The following AHNAK variants were observed in gnomAD, a reference collection of about 807,000 sequenced individuals.
AHNAK encodes AHNAK nucleoprotein, also known as neuroblast differentiation-associated protein AHNAK.
A neutral mutation model predicts 37.8 loss-of-function variants in AHNAK; 23 were observed. The observed-to-expected ratio is 0.61, with a 90% CI of 0.44 to 0.86. The LOEUF is 0.86. AHNAK is among the 40% of genes least tolerant of loss of function. The pLI, the probability that AHNAK is intolerant of heterozygous loss-of-function variation, is 0.00. For missense variants in AHNAK, 7,411 were observed against 7,319.4 expected (o/e 1.01, Z -0.46); for synonymous variants, 2,481 against 2,636.3 (o/e 0.94, Z 1.80).
Position 62,528,163 on chromosome 11 carries a change from T to C in AHNAK, c.6254A>G (p.Asp2085Gly), listed in dbSNP as rs370435916. ...AAGGCTCACATCTGGGACTTCAACATCCACCTTGGGTCCTGAGACAACAAC... is the reference window on the plus strand; with the variant it reads ...AAGGCTCACATCTGGGACTTCAACACCCACCTTGGGTCCTGAGACAACAAC... ...ADVVVSGPKVDVEVPDVSLEG... is the reference protein window; with the variant it reads ...ADVVVSGPKVGVEVPDVSLEG... The change falls in exon 5 of 5, where the codon GAT (aspartate) becomes GGT (glycine). Residue 2085 changes from aspartate to glycine, a missense_variant. Physicochemically the swap from Asp to Gly is moderately conservative, Grantham distance 94. Coordinates refer to ENST00000378024, the MANE Select transcript of AHNAK (RefSeq NM_001620.3). 1.9e-6 allele frequency: 3 copies of C among 1,613,470 alleles called. No homozygotes were observed. The African/African-American group carries it at 4.0e-5, about 22-fold the overall frequency.
At chr11:62,493,418 C>T (rs1277930279) in intron 4 of AHNAK, among the ~76,000 whole-genome samples, 9 of 151,296 alleles carry the variant, frequency 5.9e-5, no homozygotes, top group Non-Finnish European at 7.4e-5. Context: ...CTCTGCCTCC[C>T]GGGTTCAAGC....
In AHNAK at chr11:62,484,221, A is replaced by T. The variant is rs898212077; in HGVS notation, c.442+7511T>A. 1.2e-4 allele frequency among the ~76,000 whole-genome samples: 18 copies of T among 150,508 alleles called. 1 individual carries two copies. Among genetic ancestry groups the T allele is most frequent in the Middle Eastern group, 3.4e-3 (1 of 294 alleles). Reference sequence around the variant, plus strand: ...GTGAAACCCCATTTCTACAAAAAAAATTTTTTTTTAATTAGCTGGGCATGG... The same window carrying T: ...GTGAAACCCCATTTCTACAAAAAAATTTTTTTTTTAATTAGCTGGGCATGG... On this transcript the variant is annotated intron_variant, in intron 5 of 5. Coordinates refer to the AHNAK transcript ENST00000257247.
In AHNAK at chr11:62,521,593, A is replaced by G; in HGVS notation, c.12824T>C (p.Val4275Ala). Reference protein sequence around the residue: ...HLKGPKVKGDVDVSLPKVEGD... With the variant: ...HLKGPKVKGDADVSLPKVEGD... ...TTCCACTTTAGGAAGGGAAACATCC[A>G]CATCACCCTTCACCTTGGGACCTTT... Residue 4275 changes from valine to alanine, a missense_variant, in exon 5 of 5, where the codon GTG becomes GCG. Transcript: ENST00000378024. The G allele has an allele frequency of 6.2e-7, 1 of 1,612,248 alleles. No homozygotes were observed. The highest frequency in any genetic ancestry group is 2.2e-5 in the East Asian group (1 of 44,696).
Position 62,533,299 on chromosome 11 carries a change from G to A in AHNAK, c.1118C>T (p.Pro373Leu), listed in dbSNP as rs1940827203. 1 of 1,530,234 alleles carries A rather than the reference G, an allele frequency of 6.5e-7. No homozygotes were observed. The highest frequency in any genetic ancestry group is 2.2e-5 in the Admixed American group (1 of 45,470). 94.8% of individuals were successfully genotyped at this position (1,530,234 alleles called of 1,614,324 possible). ...IEGLEGKLKGPQITGPSLEGD... is the reference protein window; with the variant it reads ...IEGLEGKLKGLQITGPSLEGD... ...CTCAAGTGATGGCCCAGTGATTTGG[G>A]GGCCCTTCAGCTTCCCCTCAAGGCC... The change falls in exon 5 of 5, where the codon CCC (proline) becomes CTC (leucine). Residue 373 changes from proline (P) to leucine (L), a missense_variant. By Grantham distance (98) the Pro-to-Leu change is moderately conservative. Transcript: ENST00000378024.
chr11:62,535,426 A>G (rs908839422), intron 3 of AHNAK, among the ~76,000 whole-genome samples: 2 of 152,100 alleles, frequency 1.3e-5, no homozygotes, highest in Non-Finnish European at 2.9e-5. Context: ...AGGCAGGTGG[A>G]TCGCCTGAGG....
In AHNAK at chr11:62,473,376, C is replaced by T. The variant is rs1218276624; in HGVS notation, c.442+18356G>A. 7.0e-5 allele frequency among the ~76,000 whole-genome samples: 7 copies of T among 100,128 alleles called. No individual in the cohort carries two copies. In the South Asian group the frequency reaches 1.5e-3, roughly 21 times the overall value. 65.7% of individuals were successfully genotyped at this position (100,128 alleles called of 152,430 possible). On this transcript the variant is annotated intron_variant, in intron 5 of 5. Coordinates refer to the AHNAK transcript ENST00000257247. ...TTGCACTCCAGCTTGGGCAAAAGGT[C>T]GAGACTCCATCTAAAAAAAAAAAAA...
At chr11:62,461,778 T>C (rs1938794673) in intron 5 of AHNAK, among the ~76,000 whole-genome samples, 1 of 143,918 alleles carries the variant, frequency 6.9e-6, no homozygotes, top group Non-Finnish European at 1.5e-5. Flanking sequence ...TGAGCCGAGA[T>C]GGCGCCATTG....
chr11:62,453,540 G>A (rs1185393432), intron 5 of AHNAK, among the ~76,000 whole-genome samples: 2 of 152,140 alleles, frequency 1.3e-5, no homozygotes, highest in Non-Finnish European at 2.9e-5. Context: ...ACCAGGATTC[G>A]AACCCAGGAC....
Position 62,523,480 on chromosome 11 carries a change from T to G in AHNAK, c.10937A>C (p.Asn3646Thr). 6.2e-7 allele frequency: 1 copy of G among 1,613,804 alleles called. No homozygotes were observed. The highest frequency in any genetic ancestry group is 8.5e-7 in the Non-Finnish European group (1 of 1,179,966). Residue 3646 changes from asparagine to threonine, a missense_variant, in exon 5 of 5, where the codon AAT becomes ACT. By Grantham distance (65) the Asn-to-Thr change is moderately conservative. Coordinates refer to ENST00000378024, the MANE Select transcript of AHNAK (RefSeq NM_001620.3). ...CAGCTTTGCATCTGGACCTTCAATATTCACGTCTGGAACATCAACGTCTAC... is the reference window on the plus strand; with the variant it reads ...CAGCTTTGCATCTGGACCTTCAATAGTCACGTCTGGAACATCAACGTCTAC... Reference protein sequence around the residue: ...PNVDVDVPDVNIEGPDAKLKG... With the variant: ...PNVDVDVPDVTIEGPDAKLKG...
chr11:62,480,688 A>G lies in AHNAK; in HGVS notation c.442+11044T>C, dbSNP rs7925097. ...AAAAAGAAAAGAAAAGAAAAGAAAA[A>G]AAAGAAAGGCCTGACTCTTTCTCAG... is the stretch of plus-strand genomic sequence containing the variant. On this transcript the variant is annotated intron_variant, in intron 5 of 5. Transcript: ENST00000257247. 5.3e-3 allele frequency among the ~76,000 whole-genome samples: 808 copies of G among 151,234 alleles called. 9 individuals are homozygous for G. Among genetic ancestry groups the G allele is most frequent in the African/African-American group, 0.018 (758 of 41,144 alleles).
At chr11:62,534,411 T>C (rs1263606854) in intron 4 of AHNAK, among the ~76,000 whole-genome samples, 2 of 152,186 alleles carry the variant, frequency 1.3e-5, no homozygotes, top group Non-Finnish European at 2.9e-5. Flanking sequence ...ACCAGGCCCT[T>C]CAGCTCCCAA....
Position 62,516,262 on chromosome 11 carries a change from C to A in AHNAK, c.*482G>T, listed in dbSNP as rs1019331090. 1.6e-6 allele frequency: 2 copies of A among 1,289,220 alleles called. No homozygotes were observed. The highest frequency in any genetic ancestry group is 2.0e-6 in the Non-Finnish European group (2 of 988,728). 79.9% of individuals were successfully genotyped at this position (1,289,220 alleles called of 1,614,324 possible). On this transcript the variant is annotated 3_prime_UTR_variant, in exon 5 of 5. Transcript: ENST00000378024. Reference sequence around the variant, plus strand: ...CCACCACCTCTGGGCCATCTGTGGGCGTTTGCTGTTTGAACAGATCCAGTC... The same window carrying A: ...CCACCACCTCTGGGCCATCTGTGGGAGTTTGCTGTTTGAACAGATCCAGTC...
At chr11:62,463,298 CAG>C (rs1436049773) in intron 5 of AHNAK, among the ~76,000 whole-genome samples, 1 of 152,072 alleles carries the variant, frequency 6.6e-6, no homozygotes, top group East Asian at 1.9e-4. Context: ...TGGCTCTTTG[CAG>C]AGAGTACACA....
chr11:62,435,626 G>A lies in AHNAK; in HGVS notation c.443-1735C>T, dbSNP rs1394410067. 2.6e-5 allele frequency among the ~76,000 whole-genome samples: 4 copies of A among 152,230 alleles called. No individual in the cohort carries two copies. The East Asian group carries it at 7.7e-4, about 29-fold the overall frequency. ...GACGGGGTTTCACCGTGTTAGACAGGATGGTCTCGATCTCCTGACCTCGTG... is the reference window on the plus strand; with the variant it reads ...GACGGGGTTTCACCGTGTTAGACAGAATGGTCTCGATCTCCTGACCTCGTG... On this transcript the variant is annotated intron_variant, in intron 5 of 5. Transcript: ENST00000257247.
chr11:62,433,767 T>C (rs117111740), exon 6 of AHNAK: 31,148 of 1,426,456 alleles, frequency 0.022, 409 homozygotes, highest in Non-Finnish European at 0.026. Context: ...TTCCTTTAAC[T>C]GCAGGTGTTT....
At chr11:62,464,341 A>G (rs1938859108) in intron 5 of AHNAK, among the ~76,000 whole-genome samples, 1 of 151,750 alleles carries the variant, frequency 6.6e-6, no homozygotes, top group South Asian at 2.1e-4. Context: ...TACAGGCAGG[A>G]GCCACCGCAC....
At chr11:62,509,495 A>G (rs996088828) in intron 4 of AHNAK, among the ~76,000 whole-genome samples, 2 of 151,984 alleles carry the variant, frequency 1.3e-5, no homozygotes, top group Admixed American at 6.6e-5. Flanking sequence ...GGTTGCAGTG[A>G]GTCGAGATCA....
At chr11:62,544,879 C>T (rs1458869433) in intron 1 of AHNAK, among the ~76,000 whole-genome samples, 1 of 152,204 alleles carries the variant, frequency 6.6e-6, no homozygotes, top group Non-Finnish European at 1.5e-5. Context: ...ACTGCTGCAG[C>T]CCCTCACTGT....
In AHNAK at chr11:62,524,617, A is replaced by G. The variant is rs1367398115; in HGVS notation, c.9800T>C (p.Ile3267Thr). The G allele has an allele frequency of 1.2e-6, 2 of 1,614,182 alleles. No homozygotes were observed. Among genetic ancestry groups the G allele is most frequent in the South Asian group, 2.2e-5 (2 of 91,060 alleles). The change falls in exon 5 of 5, where the codon ATT (isoleucine) becomes ACT (threonine). Residue 3267 changes from isoleucine (I) to threonine (T), a missense_variant. Transcript: ENST00000378024. ...TTTGGCATCTGGGCCATGAATGTCAATATCTGGAGCATCTACATCTATCTT... is the reference window on the plus strand; with the variant it reads ...TTTGGCATCTGGGCCATGAATGTCAGTATCTGGAGCATCTACATCTATCTT... ...GPKIDVDAPD[I>T]DIHGPDAKLK...
Sources: allele counts gnomAD v4.1 joint callset (sites outside exome capture counted in the v4.1 genomes callset), GRCh38; gene constraint gnomAD v4.1.1; transcripts MANE v1.5; gene names NCBI Gene and HGNC (gene_info 2026-07-23, HGNC 2026-07-21).